MRPS18A: variants seen among roughly 807,000 people sequenced by gnomAD.
The protein encoded by MRPS18A is mitochondrial ribosomal protein S18A, also known as large ribosomal subunit protein mL66.
A neutral mutation model predicts 22.7 loss-of-function variants in MRPS18A; 20 were observed. The ratio of observed to expected loss-of-function variants is 0.88; its 90% CI spans 0.62 to 1.28. MRPS18A has a LOEUF of 1.28. Among genes scored for constraint, MRPS18A ranks in the 50% most tolerant of loss-of-function variants. The pLI, the probability that MRPS18A is intolerant of heterozygous loss-of-function variation, is 0.00. For synonymous variants in MRPS18A, 106 were observed against 99.1 expected, an observed-to-expected ratio of 1.07 and a Z score of -0.41; for missense variants, 294 against 262.6, an observed-to-expected ratio of 1.12 and a Z score of -0.83.
intron 2 of MRPS18A, 111 bp from the exon 3 acceptor site, chr6:43,678,736 G>T: frequency 1.3e-6 from 1 of 740,886 alleles, no homozygotes. Flanking sequence ...TTACCTTGGG[G>T]GTTCTTGTGG....
intron 1 of MRPS18A, among the ~76,000 whole-genome samples, chr6:43,682,310 C>G (rs1015103639): frequency 6.6e-6 from 1 of 152,216 alleles, no homozygotes. Context: ...AATAAACAAA[C>G]AAACACCAAT....
At chr6:43,677,137 G>A (rs1262056003) in intron 3 of MRPS18A, among the ~76,000 whole-genome samples, 1 of 152,194 alleles carries the variant, frequency 6.6e-6, no homozygotes, top group East Asian at 1.9e-4. Flanking sequence ...TTGGGCGGGT[G>A]TGGGGTTTGC....
At chr6:43,680,569 G>A (rs1774343774) in intron 2 of MRPS18A, among the ~76,000 whole-genome samples, 2 of 152,230 alleles carry the variant, frequency 1.3e-5, no homozygotes, top group African/African-American at 4.8e-5. Context: ...GGGAAACGGG[G>A]GAGTGGGTAG....
chr6:43,678,888 G>C (rs942649242), intron 2 of MRPS18A, among the ~76,000 whole-genome samples: 3 of 152,052 alleles, frequency 2.0e-5, no homozygotes, highest in African/African-American at 7.3e-5. Flanking sequence ...CCAGTGTCAA[G>C]AGGGAGAGAG....
At chr6:43,672,035 C>T in intron 5 of MRPS18A, 129 bp from the exon 6 acceptor site, 1 of 1,136,212 alleles carries the variant, frequency 8.8e-7, no homozygotes, top group Non-Finnish European at 1.2e-6. Context: ...TTTCCCTTTC[C>T]TGAAGTGCAG....
chr6:43,683,108 C>T (rs1774504586), intron 1 of MRPS18A, among the ~76,000 whole-genome samples: 1 of 152,120 alleles, frequency 6.6e-6, no homozygotes, highest in Non-Finnish European at 1.5e-5. Context: ...CACATCACTC[C>T]CGGCAAAGTA....
In MRPS18A at chr6:43,687,765, C is replaced by A. The variant is rs1774805641; in HGVS notation, c.15G>T (p.Lys5Asn). 1 of 1,577,938 alleles carries A rather than the reference C, an allele frequency of 6.3e-7. No individual in the cohort carries two copies. Among genetic ancestry groups the A allele is most frequent in the South Asian group, 1.2e-5 (1 of 86,348 alleles). Residue 5 changes from lysine (K) to asparagine (N), a missense_variant, in exon 1 of 6, where the codon AAG becomes AAT. Lys to Asn is a moderately conservative substitution (Grantham distance 94). Coordinates refer to ENST00000372133, the MANE Select transcript of MRPS18A (RefSeq NM_018135.4). ...GCCGCCCACAGCCGGACACCAGAGCCTTGAGGGCCGCCATCTTCAAAAACC... is the reference window on the plus strand; with the variant it reads ...GCCGCCCACAGCCGGACACCAGAGCATTGAGGGCCGCCATCTTCAAAAACC... MAAL[K>N]ALVSGCGRLL...
At chr6:43,686,247 T>C (rs1282038709) in intron 1 of MRPS18A, among the ~76,000 whole-genome samples, 3 of 152,270 alleles carry the variant, frequency 2.0e-5, no homozygotes, top group South Asian at 2.1e-4. Context: ...CATAAGAATA[T>C]GCAAATTGTA....
At chr6:43,685,573 A>G (rs1258407071) in intron 1 of MRPS18A, among the ~76,000 whole-genome samples, 6 of 152,214 alleles carry the variant, frequency 3.9e-5, no homozygotes, top group Non-Finnish European at 7.3e-5. Context: ...ACTGTTTTAG[A>G]CTGAAAGTCT....
At chr6:43,681,180 A>T (rs1774390099) in intron 1 of MRPS18A, 60 bp from the exon 2 acceptor site, 9 of 1,536,352 alleles carry the variant, frequency 5.9e-6, no homozygotes, top group Non-Finnish European at 8.1e-6. Context: ...GAGAGTTTCA[A>T]ATAACAGCTC....
rs569406382 is a variant in MRPS18A at position 43,675,532 on chromosome 6, C to T, written c.338G>A (p.Arg113His). Residue 113 changes from arginine (R) to histidine (H), a missense_variant, in exon 4 of 6, where the codon CGC (arginine) becomes CAC (histidine). Arg to His is a conservative substitution (Grantham distance 29). Transcript: ENST00000372133. ...KITGLCQEEHRKIEECVKMAH... is the reference protein window; with the variant it reads ...KITGLCQEEHHKIEECVKMAH... ...CATCTTCACACACTCCTCGATCTTG[C>T]GGTGTTCTTCCTGGCATAGGCCTGT... 31 of 1,614,040 alleles carry T rather than the reference C, an allele frequency of 1.9e-5. No homozygotes were observed. The highest frequency in any genetic ancestry group is 1.6e-4 in the Middle Eastern group (1 of 6,082).
At position 43,678,615 on chromosome 6, in the gene MRPS18A, C is replaced by T. The variant is rs764122172; in HGVS notation, c.155G>A (p.Arg52His). The T allele has an allele frequency of 4.3e-6, 7 of 1,612,478 alleles. No homozygotes were observed. Among genetic ancestry groups the T allele is most frequent in the African/African-American group, 1.3e-5 (1 of 74,860 alleles). The part of the protein sequence containing the change: ...QEGKTTIIEG[R>H]ITATPKESPN... ...ACTCTCCTTGGGAGTCGCTGTGATA[C>T]GGCCTTCAATCTAGGAGACAGAGAA... is the stretch of plus-strand genomic sequence containing the variant. Residue 52 changes from arginine to histidine, a missense_variant, in exon 3 of 6, where the codon CGT becomes CAT. Physicochemically the swap from Arg to His is conservative, Grantham distance 29. Coordinates refer to ENST00000372133, the MANE Select transcript of MRPS18A (RefSeq NM_018135.4).
At chr6:43,682,749 A>C (rs1432381775) in intron 1 of MRPS18A, among the ~76,000 whole-genome samples, 1 of 152,232 alleles carries the variant, frequency 6.6e-6, no homozygotes, top group African/African-American at 2.4e-5. Flanking sequence ...ACAGCTGCAG[A>C]GGGAAGGTCA....
At position 43,675,591 on chromosome 6, in the gene MRPS18A, G is replaced by C. The variant is rs750821263; in HGVS notation, c.279C>G (p.Ile93Met). The C allele has an allele frequency of 1.1e-5, 17 of 1,613,286 alleles. No homozygotes were observed. Among genetic ancestry groups the C allele is most frequent in the African/African-American group, 1.3e-5 (1 of 74,918 alleles). ...YDDVLLLSQF[I>M]RPHGGMLPRK... The stretch of plus-strand genomic sequence containing the variant: ...GGGGCAGCATGCCTCCATGAGGCCG[G>C]ATGAACTGGCTAAGCAGCAGAACAT... The change falls in exon 4 of 6, where the codon ATC becomes ATG. Residue 93 changes from isoleucine (I) to methionine (M), a missense_variant. Coordinates refer to ENST00000372133, the MANE Select transcript of MRPS18A (RefSeq NM_018135.4).
chr6:43,672,001 T>G, intron 5 of MRPS18A, 95 bp from the exon 6 acceptor site: 206 of 1,374,628 alleles, frequency 1.5e-4, no homozygotes, highest in Non-Finnish European at 1.8e-4. Flanking sequence ...AGGCCACGGT[T>G]GGGCAAGCAA....
rs763247572 is a variant in MRPS18A, at chr6:43,678,613, T to C, written c.157A>G (p.Ile53Val). ...GGACTCTCCTTGGGAGTCGCTGTGA[T>C]ACGGCCTTCAATCTAGGAGACAGAG... is the stretch of plus-strand genomic sequence containing the variant. ...EGKTTIIEGR[I>V]TATPKESPNP... The change falls in exon 3 of 6, where the codon ATC (isoleucine) becomes GTC (valine). Residue 53 changes from isoleucine to valine, a missense_variant. Coordinates refer to ENST00000372133, the MANE Select transcript of MRPS18A (RefSeq NM_018135.4). 6.2e-7 allele frequency: 1 copy of C among 1,613,282 alleles called. No homozygotes were observed.
chr6:43,678,497 TGTCTCTGTA>T lies in MRPS18A; in HGVS notation c.252+12_252+20del. 1 of 1,546,958 alleles carries T rather than the reference TGTCTCTGTA, an allele frequency of 6.5e-7. No individual in the cohort carries two copies. On this transcript the variant is annotated intron_variant, in intron 3 of 5. Transcript: ENST00000372133. Reference sequence around the variant, plus strand: ...GAACTTCATGACACACAGAACCGAGTGTCTCTGTACCCAGACTCACGTCATAGTTATACT... The same window carrying T: ...GAACTTCATGACACACAGAACCGAGTCCCAGACTCACGTCATAGTTATACT...
intron 1 of MRPS18A, among the ~76,000 whole-genome samples, chr6:43,682,073 G>A (rs1452781905): frequency 1.3e-5 from 2 of 152,312 alleles, no homozygotes; most frequent in African/African-American, 2.4e-5. Context: ...AGGCTGAGGC[G>A]GGAAGAAATA....
rs1774600940 is a variant in MRPS18A, at chr6:43,684,815, T to G, written c.112+2853A>C. Among the ~76,000 whole-genome samples, 3 of 152,356 alleles carry G rather than the reference T, an allele frequency of 2.0e-5. No homozygotes were observed. In the South Asian group the frequency reaches 6.2e-4, roughly 32 times the overall value. Reference sequence around the variant, plus strand: ...CTTTACTCACTTCAATATACCTTTCTCTAAGTGTCTGACAAATCATGTCTT... The same window carrying G: ...CTTTACTCACTTCAATATACCTTTCGCTAAGTGTCTGACAAATCATGTCTT... On this transcript the variant is annotated intron_variant, in intron 1 of 5. Coordinates refer to ENST00000372133, the MANE Select transcript of MRPS18A (RefSeq NM_018135.4).
Sources: gnomAD v4.1 joint callset for allele counts (sites outside exome capture counted in the v4.1 genomes callset) on GRCh38, gnomAD v4.1.1 for gene constraint, MANE v1.5 for transcripts, NCBI Gene and HGNC (gene_info 2026-07-23, HGNC 2026-07-21) for gene names.